ANGEL1: variants seen among roughly 807,000 people sequenced by gnomAD.
The protein encoded by ANGEL1 is RNA 2',3'-cyclic phosphatase ANGEL1.
In ANGEL1, 62 loss-of-function variants were observed where a neutral mutation model predicts 76.4. The observed-to-expected ratio is 0.81, with a 90% CI of 0.66 to 1.00. The LOEUF is 1.00. Ranked by LOEUF, ANGEL1 falls within the 50% of genes least tolerant of loss-of-function variation. The pLI is 0.00. For synonymous variants in ANGEL1, 340 were observed against 331.7 expected (o/e 1.03, Z -0.27); for missense variants, 737 against 836.7 (o/e 0.88, Z 1.47).
At chr14:76,798,877 G>C (rs1195122185) in intron 7 of ANGEL1, among the ~76,000 whole-genome samples, 3 of 149,270 alleles carry the variant, frequency 2.0e-5, no homozygotes, top group African/African-American at 7.4e-5. Context: ...GAACCCGGGG[G>C]CAAAGGCTGC....
rs1894809620 is a variant in ANGEL1, at chr14:76,802,955, G to A, written c.1618+416C>T. 2.0e-5 allele frequency among the ~76,000 whole-genome samples: 3 copies of A among 152,222 alleles called. No homozygotes were observed. In the South Asian group the frequency reaches 6.2e-4, roughly 32 times the overall value. ...GTTTCAGAGACAAGAAGGGGAGAATGTCAAGTATACTCTGCTATATTCAAT... is the reference window on the plus strand; with the variant it reads ...GTTTCAGAGACAAGAAGGGGAGAATATCAAGTATACTCTGCTATATTCAAT... On this transcript the variant is annotated intron_variant, in intron 7 of 9. Transcript: ENST00000251089.
chr14:76,798,921 T>C (rs552811900), intron 7 of ANGEL1, among the ~76,000 whole-genome samples: 1 of 138,984 alleles, frequency 7.2e-6, no homozygotes, highest in African/African-American at 2.7e-5. Flanking sequence ...CACTCTAGCC[T>C]GAGTGATAGA....
rs1894831095 is a variant in ANGEL1 at position 76,803,671 on chromosome 14, A to G, written c.1507+115T>C. 4.1e-6 allele frequency: 6 copies of G among 1,467,706 alleles called. No homozygotes were observed. In the Admixed American group the frequency reaches 6.6e-5, roughly 16 times the overall value. The allele number at this position is 1,467,706 out of a possible 1,614,324, so 90.9% of individuals were successfully genotyped here. On this transcript the variant is annotated intron_variant, in intron 6 of 9. Coordinates refer to ENST00000251089, the MANE Select transcript of ANGEL1 (RefSeq NM_015305.4). ...GCCATTGGGAGGATAGTGAGAAAAC[A>G]GAGGAATCTGCTAAGAGAAATGAGG...
rs199712991 is a variant in ANGEL1, at chr14:76,807,891, T to C, written c.876+31A>G. On this transcript the variant is annotated intron_variant, in intron 3 of 9. Coordinates refer to ENST00000251089, the MANE Select transcript of ANGEL1 (RefSeq NM_015305.4). Reference sequence around the variant, plus strand: ...GGCAACAGCCCAGGTCCAGCAACAATGCAAGATGGCAATTCCCCCTCTTCA... The same window carrying C: ...GGCAACAGCCCAGGTCCAGCAACAACGCAAGATGGCAATTCCCCCTCTTCA... 10 of 1,608,376 alleles carry C rather than the reference T, an allele frequency of 6.2e-6. No homozygotes were observed. The East Asian group carries it at 2.0e-4, about 32-fold the overall frequency.
intron 7 of ANGEL1, among the ~76,000 whole-genome samples, chr14:76,803,050 C>T (rs1416628614): frequency 1.3e-5 from 2 of 152,148 alleles, no homozygotes; most frequent in African/African-American, 4.8e-5. Flanking sequence ...TTTCAAAGCC[C>T]CATCATGTGT....
chr14:76,807,267 G>A (rs1894946071), intron 4 of ANGEL1, among the ~76,000 whole-genome samples, 166 bp downstream of exon 4: 1 of 152,200 alleles, frequency 6.6e-6, no homozygotes, highest in African/African-American at 2.4e-5. Context: ...TGTCAGAATT[G>A]CTATAAAACT....
At chr14:76,809,006 C>T (rs1291611533) in intron 2 of ANGEL1, 53 bp downstream of exon 2, 5 of 1,523,068 alleles carry the variant, frequency 3.3e-6, no homozygotes, top group Non-Finnish European at 4.4e-6. Context: ...TGGCTCTGCC[C>T]ACACCTGAGA....
intron 7 of ANGEL1, among the ~76,000 whole-genome samples, chr14:76,791,916 A>G (rs1894419128): frequency 6.6e-6 from 1 of 152,222 alleles, no homozygotes; most frequent in South Asian, 2.1e-4. Context: ...AAAGGAAGAT[A>G]CAAATTACCA....
intron 7 of ANGEL1, among the ~76,000 whole-genome samples, chr14:76,793,837 C>T (rs572315302): frequency 6.6e-6 from 1 of 151,808 alleles, no homozygotes; most frequent in African/African-American, 2.4e-5. Flanking sequence ...AAATTATGTA[C>T]AGTAAAAGAT....
At chr14:76,808,926 C>T (rs991271332) in intron 2 of ANGEL1, 133 bp downstream of exon 2, 2 of 851,208 alleles carry the variant, frequency 2.3e-6, no homozygotes, top group African/African-American at 3.4e-5. Flanking sequence ...CTAGATCTGA[C>T]ATGCCAAGAT....
At chr14:76,808,936 T>C in intron 2 of ANGEL1, 123 bp downstream of exon 2, 2 of 934,536 alleles carry the variant, frequency 2.1e-6, no homozygotes, top group Non-Finnish European at 3.1e-6. Context: ...CATGCCAAGA[T>C]TCTTAGAAAA....
chr14:76,796,709 T>C (rs1390089027), intron 7 of ANGEL1, among the ~76,000 whole-genome samples: 1 of 152,254 alleles, frequency 6.6e-6, no homozygotes, highest in Non-Finnish European at 1.5e-5. Context: ...TCATCCGACA[T>C]GTTACTTAGT....
rs773305756 is a variant in ANGEL1 at position 76,803,806 on chromosome 14, G to A, written c.1487C>T (p.Ser496Phe). The stretch of plus-strand genomic sequence containing the variant: ...CTCACCTGATCTCTTGGGGTGACAG[G>A]AGGTGACATACTGACAGCAATCAGT... ...GITDCCQYVTSCHPKRSERRK... is the reference protein window; with the variant it reads ...GITDCCQYVTFCHPKRSERRK... The change falls in exon 6 of 10, where the codon TCC becomes TTC. Residue 496 changes from serine (S) to phenylalanine (F), a missense_variant. Around this residue, in one of 2 missense-constraint regions of ANGEL1, gnomAD observed 296 missense variants for 387.2 expected, o/e 0.76. Coordinates refer to ENST00000251089, the MANE Select transcript of ANGEL1 (RefSeq NM_015305.4). 2.7e-5 allele frequency: 43 copies of A among 1,613,512 alleles called. 1 individual carries two copies. In the South Asian group the frequency reaches 4.2e-4, roughly 16 times the overall value.
At chr14:76,796,033 C>T (rs1216249732) in intron 7 of ANGEL1, among the ~76,000 whole-genome samples, 1 of 151,994 alleles carries the variant, frequency 6.6e-6, no homozygotes, top group Non-Finnish European at 1.5e-5. Context: ...GGGTGCTTAA[C>T]TCACTTTCAT....
At position 76,809,180 on chromosome 14, in the gene ANGEL1, C is replaced by A; in HGVS notation, c.528G>T (p.Glu176Asp). 6.2e-7 allele frequency: 1 copy of A among 1,613,982 alleles called. No homozygotes were observed. The highest frequency in any genetic ancestry group is 8.5e-7 in the Non-Finnish European group (1 of 1,179,932). Residue 176 changes from glutamate (E) to aspartate (D), a missense_variant, in exon 2 of 10, where the codon GAG (glutamate) becomes GAT (aspartate). Physicochemically the swap from Glu to Asp is conservative, Grantham distance 45 (BLOSUM62 2). Around this residue, in one of 2 missense-constraint regions of ANGEL1, gnomAD observed 441 missense variants for 449.5 expected, o/e 0.98. Transcript: ENST00000251089. ...TGCTCCAGGCCAACACCGCTGGGTCCTCTTCCCACTGCTCTGTGGCCAGGG... is the reference window on the plus strand; with the variant it reads ...TGCTCCAGGCCAACACCGCTGGGTCATCTTCCCACTGCTCTGTGGCCAGGG... ...VGALATEQWE[E>D]DPAVLAWSIA...
At chr14:76,798,820 T>C (rs1248501684) in intron 7 of ANGEL1, among the ~76,000 whole-genome samples, 3 of 151,746 alleles carry the variant, frequency 2.0e-5, no homozygotes, top group Non-Finnish European at 2.9e-5. Context: ...TGGTGTCGCA[T>C]GTCTGTAATC....
At position 76,799,246 on chromosome 14, in the gene ANGEL1, C is replaced by T. The variant is rs1894678087; in HGVS notation, c.1618+4125G>A. On this transcript the variant is annotated intron_variant, in intron 7 of 9. Transcript: ENST00000251089. ...GCCTCTAGAAAAATGAACTCACACACTAAGATCTCGTTGTACTCCATTCAT... is the reference window on the plus strand; with the variant it reads ...GCCTCTAGAAAAATGAACTCACACATTAAGATCTCGTTGTACTCCATTCAT... Among the ~76,000 whole-genome samples the T allele has an allele frequency of 2.2e-5, 3 of 138,648 alleles. No homozygotes were observed. In the South Asian group the frequency reaches 7.1e-4, roughly 33 times the overall value. The allele number at this position is 138,648 out of a possible 152,430, so 91.0% of individuals were successfully genotyped here.
At chr14:76,801,686 A>T (rs2140221947) in intron 7 of ANGEL1, among the ~76,000 whole-genome samples, 1 of 151,868 alleles carries the variant, frequency 6.6e-6, no homozygotes, top group East Asian at 1.9e-4. Context: ...TTCCACAGTT[A>T]TCTATTCCTA....
chr14:76,790,834 C>CT, intron 8 of ANGEL1, 60 bp from the exon 9 acceptor site: 1 of 1,480,394 alleles, frequency 6.8e-7, no homozygotes, highest in Non-Finnish European at 9.0e-7. Flanking sequence ...CCCTAGATCA[C>CT]TTTTTCTATG....
Sources: gnomAD v4.1 joint callset for allele counts (sites outside exome capture counted in the v4.1 genomes callset) on GRCh38, gnomAD v4.1.1 for gene constraint, gnomAD v4.1.1 regional missense constraint, MANE v1.5 for transcripts, NCBI Gene and HGNC (gene_info 2026-07-23, HGNC 2026-07-21) for gene names.